GDPD4: variants seen among roughly 807,000 people sequenced by gnomAD.
The protein encoded by GDPD4 is glycerophosphodiester phosphodiesterase 6.
Under a neutral mutation model 67.8 loss-of-function variants are expected in GDPD4, and 60 were observed. That is an observed-to-expected ratio of 0.88 (90% CI 0.72 to 1.10). The LOEUF (loss-of-function observed/expected upper bound fraction) is 1.10, where lower values mean the gene tolerates loss of function less well. Among genes scored for constraint, GDPD4 ranks in the 50% least tolerant of loss-of-function variants. GDPD4 has a pLI of 0.00. For missense variants in GDPD4, 623 were observed against 613.9 expected (o/e 1.01, Z -0.16); for synonymous variants, 212 against 210.9 (o/e 1.00, Z -0.04).
In GDPD4 at chr11:77,217,232, A is replaced by G; in HGVS notation, c.*45T>C. ...GGCTGCTAGAGTCCAAGGACCTTCCACAACTCGGACAGGAGGTTTCATGGC... is the reference window on the plus strand; with the variant it reads ...GGCTGCTAGAGTCCAAGGACCTTCCGCAACTCGGACAGGAGGTTTCATGGC... On this transcript the variant is annotated 3_prime_UTR_variant, in exon 17 of 17. Coordinates refer to ENST00000315938, the MANE Select transcript of GDPD4 (RefSeq NM_182833.3). The G allele has an allele frequency of 6.8e-7, 1 of 1,475,562 alleles. No homozygotes were observed. The highest frequency in any genetic ancestry group is 9.5e-7 in the Non-Finnish European group (1 of 1,053,592). 91.4% of individuals were successfully genotyped at this position (1,475,562 alleles called of 1,614,324 possible).
At chr11:77,295,589 C>A (rs995758765) in intron 1 of GDPD4, among the ~76,000 whole-genome samples, 8 of 151,944 alleles carry the variant, frequency 5.3e-5, no homozygotes, top group African/African-American at 9.7e-5. Context: ...CATGATGGGG[C>A]CACTATACTC....
At chr11:77,222,390 T>C (rs1958244138) in intron 16 of GDPD4, among the ~76,000 whole-genome samples, 6 of 152,252 alleles carry the variant, frequency 3.9e-5, no homozygotes, top group Admixed American at 3.9e-4. Context: ...TAGTGCTTCC[T>C]TCAGGAGCTC....
At chr11:77,217,800 G>A (rs535805412) in intron 16 of GDPD4, among the ~76,000 whole-genome samples, 2 of 152,244 alleles carry the variant, frequency 1.3e-5, no homozygotes, top group African/African-American at 4.8e-5. Context: ...GGAGCTAGGA[G>A]ATCAAGACCA....
intron 10 of GDPD4, among the ~76,000 whole-genome samples, chr11:77,267,287 A>G (rs771958520): frequency 2.0e-5 from 3 of 152,318 alleles, no homozygotes; most frequent in Middle Eastern, 3.4e-3. Context: ...AGTTCACTCT[A>G]TGATATTCAC....
intron 1 of GDPD4, among the ~76,000 whole-genome samples, chr11:77,299,153 GTAGCAGTTGC>G (rs1938079117): frequency 6.6e-6 from 1 of 152,154 alleles, no homozygotes; most frequent in Non-Finnish European, 1.5e-5. Context: ...GGGGCCGGAG[GTAGCAGTTGC>G]TAGGCAACAC....
chr11:77,270,961 A>G (rs1405093326), intron 7 of GDPD4, 169 bp downstream of exon 7: 4 of 579,430 alleles, frequency 6.9e-6, no homozygotes, highest in South Asian at 2.3e-5. Context: ...ATTGGCCACT[A>G]TAACAGGGTA....
intron 3 of GDPD4, among the ~76,000 whole-genome samples, chr11:77,280,859 GAGA>G (rs1336993320): frequency 6.6e-6 from 1 of 152,212 alleles, no homozygotes; most frequent in Non-Finnish European, 1.5e-5. Flanking sequence ...TGAAAAGAGC[GAGA>G]AGGAGTTTGC....
chr11:77,259,006 A>C (rs1260325111), intron 10 of GDPD4, among the ~76,000 whole-genome samples: 1 of 151,876 alleles, frequency 6.6e-6, no homozygotes, highest in East Asian at 1.9e-4. Flanking sequence ...TTTTTTTGAG[A>C]CGGAGTCTTG....
At chr11:77,269,219 A>T (rs927123860) in intron 8 of GDPD4, 150 bp from the exon 9 acceptor site, 1 of 673,104 alleles carries the variant, frequency 1.5e-6, no homozygotes, top group African/African-American at 1.8e-5. Flanking sequence ...TTTCTGTGAC[A>T]TTTCCACTTA....
chr11:77,243,571 C>T, intron 13 of GDPD4, 123 bp downstream of exon 13: 1 of 828,978 alleles, frequency 1.2e-6, no homozygotes, highest in Admixed American at 2.3e-5. Flanking sequence ...AAAGGAGATT[C>T]AAAGGAGATA....
chr11:77,269,900 A>G lies in GDPD4; in HGVS notation c.461T>C (p.Val154Ala). 1 of 1,582,038 alleles carries G rather than the reference A, an allele frequency of 6.3e-7. No individual in the cohort carries two copies. The highest frequency in any genetic ancestry group is 8.7e-7 in the Non-Finnish European group (1 of 1,152,966). Residue 154 changes from valine to alanine, a missense_variant, in exon 8 of 17, where the codon GTA (valine) becomes GCA (alanine). Physicochemically the swap from Val to Ala is moderately conservative, Grantham distance 64. Transcript: ENST00000315938. ...GCTCTAACCTCTTAACCTTGTGATT[A>G]CATTACATTGCTTGAGTCTTTTTTT... ...SEKKRLKQCNVITRLRGLQVP... is the reference protein window; with the variant it reads ...SEKKRLKQCNAITRLRGLQVP...
intron 15 of GDPD4, 130 bp from the exon 16 acceptor site, chr11:77,228,046 G>A (rs1958377436): frequency 1.1e-5 from 8 of 735,172 alleles, no homozygotes; most frequent in Non-Finnish European, 2.0e-5. Flanking sequence ...TTGCCTGCAA[G>A]GATTCCCAAA....
rs528695860 is a variant in GDPD4, at chr11:77,265,077, C to T, written c.707+3380G>A. ...TCTTCTTACCACAATTTGTCTCTGCCCCCGCACACCCCTATTCCTTTCTAT... is the reference window on the plus strand; with the variant it reads ...TCTTCTTACCACAATTTGTCTCTGCTCCCGCACACCCCTATTCCTTTCTAT... On this transcript the variant is annotated intron_variant, in intron 10 of 16. Coordinates refer to ENST00000315938, the MANE Select transcript of GDPD4 (RefSeq NM_182833.3). Among the ~76,000 whole-genome samples, 7 of 152,168 alleles carry T rather than the reference C, an allele frequency of 4.6e-5. No homozygotes were observed. The South Asian group carries it at 1.5e-3, about 32-fold the overall frequency.
intron 1 of GDPD4, among the ~76,000 whole-genome samples, chr11:77,292,240 T>C (rs887782623): frequency 6.6e-6 from 1 of 151,972 alleles, no homozygotes; most frequent in African/African-American, 2.4e-5. Flanking sequence ...GTAAGCAGGA[T>C]AGAGTAGACT....
intron 11 of GDPD4, among the ~76,000 whole-genome samples, chr11:77,248,051 C>CAAAAAAAAAAAAAAAAAAAAAA (rs34252021): frequency 1.6e-5 from 1 of 62,706 alleles, no homozygotes; most frequent in Non-Finnish European, 2.7e-5. Flanking sequence ...AACTCCGTCT[C>CAAAAAAAAAAAAAAAAAAAAAA]AAAAAAAAAA....
rs534383820 is a variant in GDPD4, at chr11:77,232,520, C to G, written c.1389+505G>C. On this transcript the variant is annotated intron_variant, in intron 14 of 16. Coordinates refer to ENST00000315938, the MANE Select transcript of GDPD4 (RefSeq NM_182833.3). ...GCAACAGAAGGCCTAGAACATGCAA[C>G]TGGACACTGGCTACCCTCTTCAAAA... Among the ~76,000 whole-genome samples the G allele has an allele frequency of 7.9e-5, 12 of 152,322 alleles. No homozygotes were observed. In the South Asian group the frequency reaches 1.2e-3, roughly 16 times the overall value.
chr11:77,254,767 A>G (rs894325284), intron 11 of GDPD4, among the ~76,000 whole-genome samples: 1 of 152,200 alleles, frequency 6.6e-6, no homozygotes, highest in Non-Finnish European at 1.5e-5. Flanking sequence ...ATCTATTCTT[A>G]TTTTGTTATA....
At chr11:77,221,797 C>A (rs1401935814) in intron 16 of GDPD4, among the ~76,000 whole-genome samples, 1 of 151,564 alleles carries the variant, frequency 6.6e-6, no homozygotes, top group Admixed American at 6.6e-5. Flanking sequence ...TGTTAACCTT[C>A]TGTCTCGTTG....
chr11:77,236,383 T>C (rs1446578558), intron 13 of GDPD4, among the ~76,000 whole-genome samples: 2 of 152,070 alleles, frequency 1.3e-5, no homozygotes, highest in Non-Finnish European at 2.9e-5. Flanking sequence ...CCATCCTGTG[T>C]CCAAGTGTTC....
Sources: allele counts gnomAD v4.1 joint callset (sites outside exome capture counted in the v4.1 genomes callset), GRCh38; gene constraint gnomAD v4.1.1; transcripts MANE v1.5; gene names NCBI Gene and HGNC (gene_info 2026-07-23, HGNC 2026-07-21).